HMGA2: variants seen among roughly 807,000 people sequenced by gnomAD.
HMGA2 encodes the protein high mobility group protein HMGI-C.
HMGA2 carries 8 observed loss-of-function variants against 19.1 expected under a neutral mutation model. The observed-to-expected ratio is 0.42, with a 90% CI of 0.25 to 0.76. The LOEUF (loss-of-function observed/expected upper bound fraction) is 0.76, where lower values mean the gene tolerates loss of function less well. Ranked by LOEUF, HMGA2 falls within the 30% of genes least tolerant of loss-of-function variation. HMGA2 has a pLI of 0.28. For missense variants in HMGA2, 109 were observed against 136.3 expected, an observed-to-expected ratio of 0.80 and a Z score of 1.00; for synonymous variants, 60 against 48.8, an observed-to-expected ratio of 1.23 and a Z score of -0.96.
At chr12:65,887,131 CT>C (rs1873691772) in intron 3 of HMGA2, among the ~76,000 whole-genome samples, 1 of 152,202 alleles carries the variant, frequency 6.6e-6, no homozygotes, top group Non-Finnish European at 1.5e-5. Flanking sequence ...GACTCCCCCC[CT>C]CATAAAATGG....
intron 4 of HMGA2, chr12:65,954,533 C>A (rs1876551161): frequency 6.6e-6 from 1 of 152,152 alleles, no homozygotes; most frequent in Non-Finnish European, 1.5e-5. Flanking sequence ...CCTTGTTGAA[C>A]CTGGGGTACA....
chr12:65,885,609 C>G (rs1488865809), intron 3 of HMGA2, among the ~76,000 whole-genome samples: 1 of 152,118 alleles, frequency 6.6e-6, no homozygotes, highest in African/African-American at 2.4e-5. Flanking sequence ...TCCCTGGGAA[C>G]AAATAACATG....
chr12:65,932,138 G>A (rs1875736774), intron 3 of HMGA2, among the ~76,000 whole-genome samples: 1 of 152,144 alleles, frequency 6.6e-6, no homozygotes, highest in Non-Finnish European at 1.5e-5. Context: ...AGAAGGAAGA[G>A]GGAAGTGAGA....
rs1872601384 is a variant in HMGA2, at chr12:65,869,537, CTCTT to C, written c.249+30971_249+30974del. Among the ~76,000 whole-genome samples the C allele has an allele frequency of 3.9e-5, 6 of 152,318 alleles. No individual in the cohort carries two copies. The East Asian group carries it at 9.7e-4, about 25-fold the overall frequency. On this transcript the variant is annotated intron_variant, in intron 3 of 4. Coordinates refer to ENST00000403681, the MANE Select transcript of HMGA2 (RefSeq NM_003483.6). The stretch of plus-strand genomic sequence containing the variant: ...AGTGAACCACCCTCCATTGCACTGA[CTCTT>C]TCCCACAAAATGGGCTAGAGATAGC...
chr12:65,912,399 T>TC (rs1311590759), intron 3 of HMGA2, among the ~76,000 whole-genome samples: 1 of 152,092 alleles, frequency 6.6e-6, no homozygotes, highest in Non-Finnish European at 1.5e-5. Context: ...AGAAAGAATG[T>TC]CCCCTGGGAG....
chr12:65,825,329 C>A lies in HMGA2; in HGVS notation c.59C>A (p.Ala20Asp). 1 of 1,538,518 alleles carries A rather than the reference C, an allele frequency of 6.5e-7. No homozygotes were observed. The highest frequency in any genetic ancestry group is 8.7e-7 in the Non-Finnish European group (1 of 1,146,092). ...QPSTSAQGQP[A>D]APAPQKRGRG... ...TCCACTTCAGCCCAGGGACAACCTG[C>A]CGCCCCAGCGCCTCAGAAGAGAGGA... Residue 20 changes from alanine to aspartate, a missense_variant, in exon 1 of 5, where the codon GCC becomes GAC. Coordinates refer to ENST00000403681, the MANE Select transcript of HMGA2 (RefSeq NM_003483.6). The surrounding 1 kb of genome is among the most constrained non-coding windows in gnomAD (Gnocchi z 4.4).
chr12:65,917,576 A>G (rs1875154131), intron 3 of HMGA2, among the ~76,000 whole-genome samples: 1 of 152,206 alleles, frequency 6.6e-6, no homozygotes, highest in Non-Finnish European at 1.5e-5. Flanking sequence ...AGAGTACTCA[A>G]CAGTGCCTGT....
At chr12:65,853,099 C>T (rs1159406398) in intron 3 of HMGA2, among the ~76,000 whole-genome samples, 2 of 152,058 alleles carry the variant, frequency 1.3e-5, no homozygotes, top group African/African-American at 4.8e-5. Flanking sequence ...GGGAAGGTTG[C>T]CGACTGACGT....
intron 3 of HMGA2, among the ~76,000 whole-genome samples, chr12:65,913,234 G>A (rs192266958): frequency 9.9e-5 from 15 of 151,970 alleles, no homozygotes; most frequent in African/African-American, 2.4e-4. Flanking sequence ...ACCATTCTGC[G>A]GCAGTTTGCC....
At chr12:65,954,263 C>T (rs1011848186) in intron 4 of HMGA2, 3 of 152,154 alleles carry the variant, frequency 2.0e-5, no homozygotes, top group Admixed American at 6.5e-5. Context: ...GATTTATAGT[C>T]TCAAAAATTC....
In HMGA2 at chr12:65,926,429, G is replaced by C. The variant is rs139944475; in HGVS notation, c.250-24954G>C. On this transcript the variant is annotated intron_variant, in intron 3 of 4. Transcript: ENST00000403681. ...TTCGTCTCTATAGAATTAATGCCTC[G>C]GAGGTGGGGAGAGGGAGGCAGAGGA... is the stretch of plus-strand genomic sequence containing the variant. Among the ~76,000 whole-genome samples, 4 of 152,312 alleles carry C rather than the reference G, an allele frequency of 2.6e-5. No individual in the cohort carries two copies. The South Asian group carries it at 8.3e-4, about 32-fold the overall frequency.
intron 3 of HMGA2, chr12:65,881,753 T>C (rs759540142): frequency 1.0e-5 from 7 of 703,088 alleles, no homozygotes; most frequent in Non-Finnish European, 2.6e-6. Flanking sequence ...TGGTTGCTAA[T>C]GAAGAGCCCG....
intron 3 of HMGA2, among the ~76,000 whole-genome samples, chr12:65,843,684 AC>A: frequency 6.6e-6 from 1 of 151,802 alleles, no homozygotes; most frequent in East Asian, 1.9e-4. Flanking sequence ...ACACACACAC[AC>A]ACACACACAC....
At chr12:65,853,146 T>C (rs1000328170) in intron 3 of HMGA2, among the ~76,000 whole-genome samples, 3 of 152,114 alleles carry the variant, frequency 2.0e-5, no homozygotes, top group Non-Finnish European at 4.4e-5. Flanking sequence ...AGAAGACCAG[T>C]TGGAAAATTG....
intron 3 of HMGA2, among the ~76,000 whole-genome samples, chr12:65,885,865 T>A (rs1873634485): frequency 6.6e-6 from 1 of 152,262 alleles, no homozygotes; most frequent in Admixed American, 6.5e-5. Flanking sequence ...GAAATTTTGT[T>A]TTGTTTTGAG....
chr12:65,831,241 T>C (rs1366795300), intron 2 of HMGA2, among the ~76,000 whole-genome samples: 1 of 151,818 alleles, frequency 6.6e-6, no homozygotes, highest in Non-Finnish European at 1.5e-5. Context: ...AGTTCCCAGA[T>C]GGTTAGAGAG....
chr12:65,881,795 C>A (rs1011689127), intron 3 of HMGA2: 1 of 703,098 alleles, frequency 1.4e-6, no homozygotes. Flanking sequence ...GATCCCGGAA[C>A]TGGCCTTGCG....
intron 3 of HMGA2, among the ~76,000 whole-genome samples, chr12:65,864,606 G>GA (rs959608424): frequency 4.0e-5 from 6 of 151,784 alleles, no homozygotes; most frequent in Non-Finnish European, 5.9e-5. Context: ...AACATACTAG[G>GA]AAAAAAAGGT....
At chr12:65,895,737 G>C (rs576848936) in intron 3 of HMGA2, among the ~76,000 whole-genome samples, 14 of 151,814 alleles carry the variant, frequency 9.2e-5, no homozygotes, top group Non-Finnish European at 2.1e-4. Context: ...TACATAGTCT[G>C]CCTAGCAGAC....
Sources: allele counts gnomAD v4.1 joint callset (sites outside exome capture counted in the v4.1 genomes callset), GRCh38; gene constraint gnomAD v4.1.1; non-coding constraint Gnocchi (gnomAD v3.1); transcripts MANE v1.5; gene names NCBI Gene and HGNC (gene_info 2026-07-23, HGNC 2026-07-21).